The following IMPA1 variants were observed in gnomAD, a reference collection of about 807,000 sequenced individuals.
The protein encoded by IMPA1 is D-galactose 1-phosphate phosphatase.
A neutral mutation model predicts 34.9 loss-of-function variants in IMPA1; 21 were observed. The observed-to-expected ratio is 0.60, with a 90% CI of 0.43 to 0.87. IMPA1 has a LOEUF of 0.87. IMPA1 is among the 40% of genes least tolerant of loss of function. IMPA1 has a pLI of 0.00. For missense variants in IMPA1, 299 were observed against 336.4 expected (o/e 0.89, Z 0.87); for synonymous variants, 95 against 104.4 (o/e 0.91, Z 0.55).
At chr8:81,677,117 C>G (rs1239027792) in intron 4 of IMPA1, among the ~76,000 whole-genome samples, 1 of 148,362 alleles carries the variant, frequency 6.7e-6, no homozygotes, top group African/African-American at 2.5e-5. Flanking sequence ...TTTTTGGAGA[C>G]GAAGTTAAGC....
intron 6 of IMPA1, among the ~76,000 whole-genome samples, chr8:81,673,217 G>T (rs755870438): frequency 6.6e-6 from 1 of 152,164 alleles, no homozygotes; most frequent in Non-Finnish European, 1.5e-5. Context: ...CCCTCTGCTC[G>T]CCTGAGACAA....
chr8:81,659,583 A>C (rs1806605284), intron 8 of IMPA1, 117 bp from the exon 9 acceptor site: 1 of 620,126 alleles, frequency 1.6e-6, no homozygotes. Context: ...AGTTTTCTTA[A>C]ACAAAAATCT....
At chr8:81,667,592 G>A (rs1219300657) in intron 7 of IMPA1, among the ~76,000 whole-genome samples, 1 of 152,102 alleles carries the variant, frequency 6.6e-6, no homozygotes, top group Admixed American at 6.5e-5. Flanking sequence ...TTCCGTGAAT[G>A]AAGCATTAAG....
rs1806548263 is a variant in IMPA1 at position 81,657,420 on chromosome 8, A to G, written c.*1931T>C. Among the ~76,000 whole-genome samples the G allele has an allele frequency of 1.3e-5, 2 of 151,970 alleles. No individual in the cohort carries two copies. The highest frequency in any genetic ancestry group is 2.4e-5 in the African/African-American group (1 of 41,382). ...AACATAGGAAGATTCTGTCTCTACAAAAACTAAAAAATTAGCCAGGCATGG... is the reference window on the plus strand; with the variant it reads ...AACATAGGAAGATTCTGTCTCTACAGAAACTAAAAAATTAGCCAGGCATGG... On this transcript the variant is annotated 3_prime_UTR_variant, in exon 9 of 9. Coordinates refer to ENST00000256108, the MANE Select transcript of IMPA1 (RefSeq NM_005536.4).
At chr8:81,670,862 G>T (rs1352383518) in intron 7 of IMPA1, 77 bp downstream of exon 7, 14 of 664,644 alleles carry the variant, frequency 2.1e-5, no homozygotes, top group South Asian at 1.9e-4. Flanking sequence ...ACTCTAAAAT[G>T]GTACAGGAAA....
rs1184958391 is a variant in IMPA1 at position 81,666,849 on chromosome 8, G to T, written c.566+4090C>A. Among the ~76,000 whole-genome samples, 5 of 120,394 alleles carry T rather than the reference G, an allele frequency of 4.2e-5. No homozygotes were observed. In the Admixed American group the frequency reaches 5.4e-4, roughly 13 times the overall value. 79.0% of individuals were successfully genotyped at this position (120,394 alleles called of 152,430 possible). A position where few individuals can be genotyped will look rare whatever the true frequency, so the allele number is the denominator to read the frequency against. Reference sequence around the variant, plus strand: ...TGTGCCACTGCACTCCAGCCTGGGTGACAGAGGGAGACTCTGTCTCAAAAA... The same window carrying T: ...TGTGCCACTGCACTCCAGCCTGGGTTACAGAGGGAGACTCTGTCTCAAAAA... On this transcript the variant is annotated intron_variant, in intron 7 of 8. Transcript: ENST00000256108.
At chr8:81,663,066 A>C (rs373908917) in intron 7 of IMPA1, among the ~76,000 whole-genome samples, 15 of 152,358 alleles carry the variant, frequency 9.8e-5, no homozygotes, top group African/African-American at 3.1e-4. Context: ...AGATCATAAA[A>C]GCAATCAGTA....
At chr8:81,661,191 C>A (rs1271551808) in intron 7 of IMPA1, among the ~76,000 whole-genome samples, 1 of 152,136 alleles carries the variant, frequency 6.6e-6, no homozygotes, top group Non-Finnish European at 1.5e-5. Context: ...CTCATAGCAC[C>A]TCTTCCTTGA....
At chr8:81,684,845 GTATATA>G (rs1807446478) in intron 1 of IMPA1, among the ~76,000 whole-genome samples, 2 of 136,006 alleles carry the variant, frequency 1.5e-5, no homozygotes, top group African/African-American at 5.6e-5. Flanking sequence ...TCTATGTGTA[GTATATA>G]TACTATACAT....
At chr8:81,678,988 T>C (rs1807212945) in intron 4 of IMPA1, 138 bp downstream of exon 4, 1 of 582,932 alleles carries the variant, frequency 1.7e-6, no homozygotes, top group Admixed American at 3.0e-5. Context: ...TTTTACATTT[T>C]ATATATACTT....
chr8:81,667,075 A>T (rs1294073150), intron 7 of IMPA1, among the ~76,000 whole-genome samples: 1 of 152,092 alleles, frequency 6.6e-6, no homozygotes, highest in Non-Finnish European at 1.5e-5. Context: ...AAACACACTA[A>T]TAATAAAAGA....
At chr8:81,671,223 C>T (rs919838977) in intron 6 of IMPA1, among the ~76,000 whole-genome samples, 176 bp from the exon 7 acceptor site, 8 of 152,210 alleles carry the variant, frequency 5.3e-5, no homozygotes, top group African/African-American at 1.7e-4. Flanking sequence ...TTATAAGCAT[C>T]AGAGTCCAGC....
At chr8:81,686,111 G>A (rs2130349698) in intron 1 of IMPA1, 141 bp downstream of exon 1, 2 of 829,222 alleles carry the variant, frequency 2.4e-6, no homozygotes, top group East Asian at 3.8e-5. Context: ...AGCAGGCAGG[G>A]GTCACCCAGA....
chr8:81,662,180 A>T (rs995332574), intron 7 of IMPA1, among the ~76,000 whole-genome samples: 3 of 152,198 alleles, frequency 2.0e-5, no homozygotes, highest in Non-Finnish European at 4.4e-5. Flanking sequence ...TGTTTCCCAG[A>T]TAAATAAAAT....
intron 7 of IMPA1, among the ~76,000 whole-genome samples, chr8:81,668,127 T>C (rs1383273524): frequency 6.6e-6 from 1 of 152,120 alleles, no homozygotes; most frequent in Non-Finnish European, 1.5e-5. Context: ...CCAGCCAACT[T>C]GACAGGGTTT....
intron 1 of IMPA1, 86 bp downstream of exon 1, chr8:81,686,166 C>T: frequency 3.2e-6 from 3 of 943,114 alleles, no homozygotes; most frequent in Admixed American, 4.8e-5. Context: ...CGCTCGCGCC[C>T]GCTCCTGAGG....
chr8:81,685,973 G>T, intron 1 of IMPA1: 5 of 1,474,490 alleles, frequency 3.4e-6, no homozygotes, highest in Non-Finnish European at 4.5e-6. Flanking sequence ...GCTTTTCGGA[G>T]TTGGGGACAT....
chr8:81,662,234 C>T (rs1466666026), intron 7 of IMPA1, among the ~76,000 whole-genome samples: 1 of 152,118 alleles, frequency 6.6e-6, no homozygotes, highest in Non-Finnish European at 1.5e-5. Context: ...AAGAAAAGTG[C>T]ATTTCCCCAC....
chr8:81,683,086 A>T (rs927687189), intron 1 of IMPA1, among the ~76,000 whole-genome samples: 1 of 152,234 alleles, frequency 6.6e-6, no homozygotes, highest in Non-Finnish European at 1.5e-5. Flanking sequence ...ACAAGATTAA[A>T]CCAAGATGAG....
Sources: gnomAD v4.1 joint callset for allele counts (sites outside exome capture counted in the v4.1 genomes callset) on GRCh38, gnomAD v4.1.1 for gene constraint, MANE v1.5 for transcripts, NCBI Gene and HGNC (gene_info 2026-07-23, HGNC 2026-07-21) for gene names.